CSMD1: variants seen among roughly 807,000 people sequenced by gnomAD.
The protein encoded by CSMD1 is CUB and Sushi multiple domains 1.
A neutral mutation model predicts 417.5 loss-of-function variants in CSMD1; 213 were observed. The ratio of observed to expected loss-of-function variants is 0.51; its 90% CI spans 0.46 to 0.57. The LOEUF (loss-of-function observed/expected upper bound fraction) is 0.57, where lower values mean the gene tolerates loss of function less well. CSMD1 is among the 20% of genes least tolerant of loss of function. The probability of loss-of-function intolerance (pLI) is 0.00; values close to 1 mark genes in which losing one functional copy is unlikely to be tolerated. For missense variants in CSMD1, 6,923 were observed against 4,529.7 expected, an observed-to-expected ratio of 1.53 and a Z score of -15.17; for synonymous variants, 2,862 against 1,736.8, an observed-to-expected ratio of 1.65 and a Z score of -16.11.
intron 3 of CSMD1, among the ~76,000 whole-genome samples, chr8:4,417,576 C>T (rs1797013743): frequency 6.6e-6 from 1 of 151,812 alleles, no homozygotes. Context: ...AATCCAGTTG[C>T]CTTTATACGT....
intron 3 of CSMD1, among the ~76,000 whole-genome samples, chr8:4,281,533 A>T (rs1207317602): frequency 6.6e-6 from 1 of 152,222 alleles, no homozygotes; most frequent in South Asian, 2.1e-4. Context: ...AGCTCACATT[A>T]AAGGTCCTTT....
chr8:4,267,749 C>T (rs997281526), intron 3 of CSMD1, among the ~76,000 whole-genome samples: 1 of 152,052 alleles, frequency 6.6e-6, no homozygotes, highest in Non-Finnish European at 1.5e-5. Context: ...TTGTAAGGTG[C>T]CACTCTTAGC....
chr8:4,173,260 T>C (rs976709618), intron 3 of CSMD1, among the ~76,000 whole-genome samples: 34 of 152,186 alleles, frequency 2.2e-4, no homozygotes, highest in African/African-American at 7.0e-4. Flanking sequence ...ATTTGGAATG[T>C]AATAAAATTT....
At chr8:4,293,717 A>G (rs546644198) in intron 3 of CSMD1, among the ~76,000 whole-genome samples, 1 of 152,244 alleles carries the variant, frequency 6.6e-6, no homozygotes, top group Non-Finnish European at 1.5e-5. Flanking sequence ...ATACTTTAAA[A>G]AAGATGCTTT....
intron 3 of CSMD1, among the ~76,000 whole-genome samples, chr8:4,371,934 C>G (rs1367320): frequency 2.0e-5 from 3 of 151,890 alleles, no homozygotes; most frequent in South Asian, 2.1e-4. Context: ...GTAATGATGA[C>G]GAAAAGTGGT....
intron 3 of CSMD1, among the ~76,000 whole-genome samples, chr8:4,224,674 C>T (rs530003137): frequency 2.8e-4 from 42 of 152,202 alleles, no homozygotes; most frequent in Non-Finnish European, 5.0e-4. Flanking sequence ...TTCCCCACTG[C>T]TCAATTTCAG....
At chr8:4,398,415 T>G (rs13260271) in intron 3 of CSMD1, among the ~76,000 whole-genome samples, 3 of 129,122 alleles carry the variant, frequency 2.3e-5, no homozygotes, top group African/African-American at 8.9e-5. Flanking sequence ...TTTTGTGAGA[T>G]AGAGTCTCAC....
intron 2 of CSMD1, among the ~76,000 whole-genome samples, chr8:4,561,455 G>A (rs1585251769): frequency 6.6e-6 from 1 of 152,208 alleles, no homozygotes; most frequent in Non-Finnish European, 1.5e-5. Flanking sequence ...GGCTGATGCA[G>A]GTGAAGCACT....
In CSMD1 at chr8:4,549,933, C is replaced by T. The variant is rs553458964; in HGVS notation, c.302+87409G>A. On this transcript the variant is annotated intron_variant, in intron 2 of 69. Transcript: ENST00000635120. ...AAAAAAAAAAAAAGAAAAGAAAAGACATTACTTAGGTGAATGGCCATTTTC... is the reference window on the plus strand; with the variant it reads ...AAAAAAAAAAAAAGAAAAGAAAAGATATTACTTAGGTGAATGGCCATTTTC... Among the ~76,000 whole-genome samples the T allele has an allele frequency of 2.2e-5, 3 of 135,208 alleles. No individual in the cohort carries two copies. In the Admixed American group the frequency reaches 2.3e-4, roughly 10 times the overall value. The allele number at this position is 135,208 out of a possible 152,430, so 88.7% of individuals were successfully genotyped here.
At chr8:4,919,868 C>A (rs904861654) in intron 1 of CSMD1, among the ~76,000 whole-genome samples, 1 of 152,076 alleles carries the variant, frequency 6.6e-6, no homozygotes, top group Non-Finnish European at 1.5e-5. Flanking sequence ...GAAGGGAGAG[C>A]ATTCCTTCCC....
At chr8:3,740,898 G>A (rs1363099418) in intron 6 of CSMD1, among the ~76,000 whole-genome samples, 4 of 152,036 alleles carry the variant, frequency 2.6e-5, no homozygotes, top group East Asian at 1.9e-4. Context: ...TGTGCCCAGG[G>A]GTGGGAGGAA....
At chr8:4,057,336 G>C (rs1798747897) in intron 3 of CSMD1, among the ~76,000 whole-genome samples, 1 of 152,126 alleles carries the variant, frequency 6.6e-6, no homozygotes, top group South Asian at 2.1e-4. Flanking sequence ...GTCTTCTTTT[G>C]AGAAGTGTCT....
At chr8:3,506,021 C>T (rs951693744) in intron 10 of CSMD1, among the ~76,000 whole-genome samples, 1 of 152,110 alleles carries the variant, frequency 6.6e-6, no homozygotes, top group Admixed American at 6.6e-5. Flanking sequence ...ACATATTAAA[C>T]AATATAATTT....
chr8:3,161,758 C>G (rs965223914), intron 38 of CSMD1, among the ~76,000 whole-genome samples: 1 of 151,872 alleles, frequency 6.6e-6, no homozygotes, highest in African/African-American at 2.4e-5. Context: ...CCAAAGAGGG[C>G]ATTAATGATG....
intron 54 of CSMD1, among the ~76,000 whole-genome samples, chr8:2,989,035 C>T (rs990868851): frequency 2.0e-5 from 3 of 152,166 alleles, no homozygotes; most frequent in Non-Finnish European, 4.4e-5. Context: ...ACTTGAGAAT[C>T]TTAGGAAGTA....
intron 37 of CSMD1, among the ~76,000 whole-genome samples, chr8:3,180,197 C>A (rs1202544518): frequency 6.6e-6 from 1 of 152,218 alleles, no homozygotes; most frequent in Admixed American, 6.5e-5. Context: ...GGTTTACCTG[C>A]ATAATCAAAC....
intron 7 of CSMD1, among the ~76,000 whole-genome samples, chr8:3,694,516 TA>T (rs1800441249): frequency 1.3e-5 from 2 of 151,920 alleles, no homozygotes; most frequent in Admixed American, 1.3e-4. Flanking sequence ...AGACAGTCTT[TA>T]AGATCAGGAG....
At chr8:3,670,777 A>G (rs1798968187) in intron 7 of CSMD1, among the ~76,000 whole-genome samples, 1 of 150,738 alleles carries the variant, frequency 6.6e-6, no homozygotes, top group South Asian at 2.1e-4. Context: ...ATATATAAGT[A>G]TACGGGATAT....
At chr8:3,284,367 G>C (rs1228693977) in intron 25 of CSMD1, 21 bp from the exon 26 acceptor site, 2 of 1,586,276 alleles carry the variant, frequency 1.3e-6, no homozygotes, top group South Asian at 2.2e-5. Context: ...GAACACAGTA[G>C]CGCTACTTGC....
Sources: allele counts gnomAD v4.1 joint callset (sites outside exome capture counted in the v4.1 genomes callset), GRCh38; gene constraint gnomAD v4.1.1; transcripts MANE v1.5; gene names NCBI Gene and HGNC (gene_info 2026-07-23, HGNC 2026-07-21).